The following IL1RAPL2 variants were observed in gnomAD, a reference collection of about 807,000 sequenced individuals.
IL1RAPL2 encodes X-linked interleukin-1 receptor accessory protein-like 2.
Under a neutral mutation model 44.1 loss-of-function variants are expected in IL1RAPL2, and 3 were observed. That is an observed-to-expected ratio of 0.07 (90% confidence interval 0.03 to 0.18). IL1RAPL2 has a LOEUF of 0.18. IL1RAPL2 is among the 10% of genes least tolerant of loss of function. The probability of loss-of-function intolerance (pLI) is 1.00; values close to 1 mark genes in which losing one functional copy is unlikely to be tolerated. For missense variants in IL1RAPL2, 391 were observed against 496.4 expected, an observed-to-expected ratio of 0.79 and a Z score of 2.02; for synonymous variants, 181 against 178.8, an observed-to-expected ratio of 1.01 and a Z score of -0.10.
At chrX:104,983,457 A>T (rs377229961) in intron 2 of IL1RAPL2, among the ~76,000 whole-genome samples, 1 of 40,869 alleles carries the variant, frequency 2.4e-5, no homozygotes. Context: ...AATATTATAT[A>T]ATATTAGATA....
Position 105,662,979 on chromosome X carries a change from G to A in IL1RAPL2, c.773-54388G>A, listed in dbSNP as rs113841171. On this transcript the variant is annotated intron_variant, in intron 6 of 10. Transcript: ENST00000372582. ...ATTTGTTACATAGAAATAGGTAACA[G>A]GATATTCATAGGTTTAACAATTAGC... is the stretch of plus-strand genomic sequence containing the variant. 6.8e-3 allele frequency among the ~76,000 whole-genome samples: 762 copies of A among 112,330 alleles called. 6 individuals carry two copies. Among genetic ancestry groups the A allele is most frequent in the African/African-American group, 0.023 (710 of 30,907 alleles).
At chrX:104,887,342 G>A (rs973387515) in intron 2 of IL1RAPL2, among the ~76,000 whole-genome samples, 1 of 112,262 alleles carries the variant, frequency 8.9e-6, no homozygotes. Flanking sequence ...ATACGTCACA[G>A]AGAGAGCAGA....
intron 1 of IL1RAPL2, among the ~76,000 whole-genome samples, chrX:104,622,311 T>C (rs1374171390): frequency 9.5e-6 from 1 of 105,241 alleles, no homozygotes; most frequent in South Asian, 4.0e-4. Context: ...AGAGGGTATA[T>C]GAATAGATCC....
intron 4 of IL1RAPL2, among the ~76,000 whole-genome samples, chrX:105,240,315 C>T (rs556580064): frequency 8.3e-4 from 93 of 112,585 alleles, no homozygotes; most frequent in Admixed American, 7.4e-3. Context: ...TATCATAGGT[C>T]ATTTGACTTA....
intron 1 of IL1RAPL2, among the ~76,000 whole-genome samples, chrX:104,643,123 G>C (rs1048119832): frequency 8.9e-6 from 1 of 112,124 alleles, no homozygotes; most frequent in African/African-American, 3.2e-5. Context: ...GAGTTAGGTT[G>C]TTACTTTTAA....
intron 5 of IL1RAPL2, among the ~76,000 whole-genome samples, chrX:105,466,697 G>A (rs1357013959): frequency 8.9e-6 from 1 of 111,987 alleles, no homozygotes; most frequent in African/African-American, 3.2e-5. Context: ...CAATGATCTT[G>A]TTGCTTCACT....
At chrX:105,460,009 C>T (rs771052250) in intron 5 of IL1RAPL2, among the ~76,000 whole-genome samples, 1 of 111,506 alleles carries the variant, frequency 9.0e-6, no homozygotes, top group East Asian at 2.8e-4. Flanking sequence ...ACAATTCCTC[C>T]TGGAATATTA....
rs752889934 is a variant in IL1RAPL2 at position 105,351,957 on chromosome X, AT to A, written c.697+84422del. Among the ~76,000 whole-genome samples, 9 of 110,520 alleles carry A rather than the reference AT, an allele frequency of 8.1e-5. No homozygotes were observed. In the East Asian group the frequency reaches 2.6e-3, roughly 31 times the overall value. On this transcript the variant is annotated intron_variant, in intron 5 of 10. Coordinates refer to ENST00000372582, the MANE Select transcript of IL1RAPL2 (RefSeq NM_017416.2). Reference sequence around the variant, plus strand: ...CCCCCACTTTTTATTTTTATTTTTTATTTTTTCTGAGACAGGGTCTGGCTCT... The same window carrying A: ...CCCCCACTTTTTATTTTTATTTTTTATTTTTCTGAGACAGGGTCTGGCTCT...
intron 5 of IL1RAPL2, among the ~76,000 whole-genome samples, chrX:105,382,322 C>A (rs1200034607): frequency 9.3e-6 from 1 of 107,963 alleles, no homozygotes; most frequent in Admixed American, 9.7e-5. Context: ...TATGAACAGA[C>A]ACTTCTCAAA....
chrX:105,430,358 T>C (rs1453009442), intron 5 of IL1RAPL2, among the ~76,000 whole-genome samples: 1 of 111,630 alleles, frequency 9.0e-6, no homozygotes, highest in African/African-American at 3.3e-5. Flanking sequence ...CAGGTACTCA[T>C]TACCATCAGA....
chrX:105,185,273 G>A lies in IL1RAPL2; in HGVS notation c.83-10202G>A, dbSNP rs2033574512. ...AGGAGACATTAGCTATATCTGCAAT[G>A]TTTTATTTCTTTAATAAAACAAAGC... On this transcript the variant is annotated intron_variant, in intron 2 of 10. Transcript: ENST00000372582. 2.7e-5 allele frequency among the ~76,000 whole-genome samples: 3 copies of A among 111,977 alleles called. No homozygotes were observed. In the South Asian group the frequency reaches 1.1e-3, roughly 42 times the overall value.
chrX:105,183,412 G>A (rs142823513), intron 2 of IL1RAPL2, among the ~76,000 whole-genome samples: 23 of 111,653 alleles, frequency 2.1e-4, no homozygotes, highest in African/African-American at 5.5e-4. Flanking sequence ...GCTACTTTGG[G>A]GATAGAGGTT....
At chrX:105,375,261 C>T (rs185551418) in intron 5 of IL1RAPL2, among the ~76,000 whole-genome samples, 120 of 111,219 alleles carry the variant, frequency 1.1e-3, no homozygotes, top group African/African-American at 3.8e-3. Flanking sequence ...CCTGTAATCC[C>T]AGCACTTTGG....
At position 105,748,971 on chromosome X, in the gene IL1RAPL2, A is replaced by G. The variant is rs764256442; in HGVS notation, c.1060A>G (p.Lys354Glu). ...TCTGTTCGCTCCAGATTTAATCTATAAAATTGAGCTTGCAGGGGGCCTGGG... is the reference window on the plus strand; with the variant it reads ...TCTGTTCGCTCCAGATTTAATCTATGAAATTGAGCTTGCAGGGGGCCTGGG... ...VLLRKKDLIY[K>E]IELAGGLGAI... is the part of the protein sequence containing the mutation. Residue 354 changes from lysine to glutamate, a missense_variant, in exon 9 of 11, where the codon AAA (lysine) becomes GAA (glutamate). By Grantham distance (56) the Lys-to-Glu change is moderately conservative (BLOSUM62 1). Around this residue, in one of 2 missense-constraint regions of IL1RAPL2, gnomAD observed 232 missense variants for 244.8 expected, o/e 0.95. Transcript: ENST00000372582. 1.9e-5 allele frequency: 23 copies of G among 1,209,560 alleles called. No individual in the cohort carries two copies. In the South Asian group the frequency reaches 3.5e-4, roughly 19 times the overall value.
intron 5 of IL1RAPL2, among the ~76,000 whole-genome samples, chrX:105,435,836 G>A (rs920768107): frequency 9.0e-6 from 1 of 110,849 alleles, no homozygotes; most frequent in Non-Finnish European, 1.9e-5. Flanking sequence ...AGTGGCAATT[G>A]AACAATTAGA....
intron 1 of IL1RAPL2, among the ~76,000 whole-genome samples, chrX:104,641,613 C>T (rs2148016261): frequency 9.0e-6 from 1 of 111,670 alleles, no homozygotes; most frequent in African/African-American, 3.3e-5. Context: ...ATGCCCCCAC[C>T]CCAGATGCAG....
chrX:104,567,293 T>C (rs1928055604), intron 1 of IL1RAPL2, among the ~76,000 whole-genome samples: 2 of 112,752 alleles, frequency 1.8e-5, no homozygotes. Flanking sequence ...GCGCCGTCCT[T>C]CAGGTGCCCG....
intron 5 of IL1RAPL2, among the ~76,000 whole-genome samples, chrX:105,283,726 TA>T (rs1485413775): frequency 9.0e-6 from 1 of 110,827 alleles, no homozygotes; most frequent in Non-Finnish European, 1.9e-5. Context: ...GACAGTTAAA[TA>T]TATGAATCTG....
intron 2 of IL1RAPL2, among the ~76,000 whole-genome samples, chrX:104,983,192 A>AG (rs2030476088): frequency 9.1e-6 from 1 of 109,303 alleles, no homozygotes; most frequent in Non-Finnish European, 1.9e-5. Flanking sequence ...CTGAGAGATA[A>AG]GGTTGCATTT....
Sources: gnomAD v4.1 joint callset for allele counts (sites outside exome capture counted in the v4.1 genomes callset) on GRCh38, gnomAD v4.1.1 for gene constraint, gnomAD v4.1.1 regional missense constraint, MANE v1.5 for transcripts, NCBI Gene and HGNC (gene_info 2026-07-23, HGNC 2026-07-21) for gene names.